CLVS1: variants seen among roughly 807,000 people sequenced by gnomAD.
The protein encoded by CLVS1 is clavesin-1.
CLVS1 carries 10 observed loss-of-function variants against 33.1 expected under a neutral mutation model. The ratio of observed to expected loss-of-function variants is 0.30; its 90% CI spans 0.19 to 0.51. CLVS1 has a LOEUF of 0.51. CLVS1 is among the 20% of genes least tolerant of loss of function. The pLI is 0.97. For missense variants in CLVS1, 343 were observed against 433.4 expected (o/e 0.79, Z 1.85); for synonymous variants, 163 against 166.1 (o/e 0.98, Z 0.14).
the CLVS1 span, among the ~76,000 whole-genome samples, chr8:60,983,383 C>T: frequency 6.6e-6 from 1 of 152,116 alleles, no homozygotes; most frequent in African/African-American, 2.4e-5. Flanking sequence ...TATGAGTATT[C>T]GGGGCACTGC....
the CLVS1 span, among the ~76,000 whole-genome samples, chr8:60,973,913 G>A: frequency 1.3e-5 from 2 of 152,162 alleles, no homozygotes; most frequent in Non-Finnish European, 2.9e-5. Context: ...TCCTGTTCAT[G>A]TCTGACTAGC....
intron 3 of CLVS1, among the ~76,000 whole-genome samples, chr8:61,394,015 C>G (rs552239804): frequency 2.0e-5 from 3 of 152,298 alleles, no homozygotes; most frequent in African/African-American, 7.2e-5. Flanking sequence ...GCCAATCACC[C>G]TACCCTTTTA....
At chr8:61,201,881 C>A (rs1278736596) in intron 2 of CLVS1, among the ~76,000 whole-genome samples, 1 of 152,200 alleles carries the variant, frequency 6.6e-6, no homozygotes, top group Non-Finnish European at 1.5e-5. Context: ...CACTCGCCAG[C>A]AGTTTTGCCA....
At chr8:61,258,125 G>A (rs1243779725) in intron 2 of CLVS1, among the ~76,000 whole-genome samples, 1 of 152,168 alleles carries the variant, frequency 6.6e-6, no homozygotes, top group Non-Finnish European at 1.5e-5. Flanking sequence ...TATCTCTGTT[G>A]CACAAACGCT....
At position 61,232,088 on chromosome 8, in the gene CLVS1, G is replaced by A. The variant is rs1808458640; in HGVS notation, c.-151-67589G>A. On this transcript the variant is annotated intron_variant, in intron 2 of 2. Transcript: ENST00000522621. ...CTCGCTCTGTTGCCCAGGCTGGAAT[G>A]TAGTGGCATGATCTTGGCTCACTGC... Among the ~76,000 whole-genome samples the A allele has an allele frequency of 3.0e-5, 4 of 132,916 alleles. No homozygotes were observed. In the South Asian group the frequency reaches 1.0e-3, roughly 34 times the overall value. The allele number at this position is 132,916 out of a possible 152,430, so 87.2% of individuals were successfully genotyped here. A position where few individuals can be genotyped will look rare whatever the true frequency, so the allele number is the denominator to read the frequency against.
At chr8:60,996,510 G>A in the CLVS1 span, among the ~76,000 whole-genome samples, 1 of 152,194 alleles carries the variant, frequency 6.6e-6, no homozygotes, top group African/African-American at 2.4e-5. Flanking sequence ...TAAGAAAAGT[G>A]GAAATTTCTC....
At chr8:61,154,914 T>G (rs1046310950) in intron 2 of CLVS1, among the ~76,000 whole-genome samples, 1 of 152,176 alleles carries the variant, frequency 6.6e-6, no homozygotes, top group Non-Finnish European at 1.5e-5. Flanking sequence ...GCATGAGCTG[T>G]CCAGGCCAGC....
chr8:61,303,675 A>G (rs990298629), intron 2 of CLVS1, among the ~76,000 whole-genome samples: 1 of 152,196 alleles, frequency 6.6e-6, no homozygotes, highest in African/African-American at 2.4e-5. Context: ...TTGAATTTAG[A>G]TATTGTCATG....
rs776456532 is a variant in CLVS1 at position 61,458,566 on chromosome 8, C to CA, written c.977+24_977+25insA. 23 of 1,431,140 alleles carry CA rather than the reference C, an allele frequency of 1.6e-5. No individual in the cohort carries two copies. The South Asian group carries it at 3.3e-4, about 20-fold the overall frequency. The allele number at this position is 1,431,140 out of a possible 1,614,324, so 88.7% of individuals were successfully genotyped here. A position where few individuals can be genotyped will look rare whatever the true frequency, so the allele number is the denominator to read the frequency against. Reference sequence around the variant, plus strand: ...AGGTAAGGCCTGGGTTATCAGAGCCCCCCCCCCAGTCAGAGGTCAATGGAA... The same window carrying CA: ...AGGTAAGGCCTGGGTTATCAGAGCCCACCCCCCCAGTCAGAGGTCAATGGAA... On this transcript the variant is annotated intron_variant, in intron 5 of 5. Coordinates refer to ENST00000325897, the MANE Select transcript of CLVS1 (RefSeq NM_173519.3).
intron 2 of CLVS1, among the ~76,000 whole-genome samples, chr8:61,215,831 C>T (rs1808073007): frequency 6.6e-6 from 1 of 151,820 alleles, no homozygotes; most frequent in South Asian, 2.1e-4. Flanking sequence ...TTTTCCAGAC[C>T]GAGTGCTGTT....
chr8:61,212,052 A>G (rs1262963726), intron 2 of CLVS1, among the ~76,000 whole-genome samples: 1 of 152,196 alleles, frequency 6.6e-6, no homozygotes, highest in East Asian at 1.9e-4. Flanking sequence ...TGAAACCTGT[A>G]TCAGACTTCC....
chr8:61,322,617 A>G (rs1184365446), intron 2 of CLVS1, among the ~76,000 whole-genome samples: 1 of 152,176 alleles, frequency 6.6e-6, no homozygotes, highest in Non-Finnish European at 1.5e-5. Flanking sequence ...TAATAAATAT[A>G]GAGAAGTTTG....
rs560798784 is a variant in CLVS1 at position 61,306,825 on chromosome 8, C to G, written c.455+6543C>G. Among the ~76,000 whole-genome samples the G allele has an allele frequency of 7.5e-4, 114 of 152,288 alleles. 1 individual carries two copies. In the Middle Eastern group the frequency reaches 0.014, roughly 18 times the overall value. On this transcript the variant is annotated intron_variant, in intron 2 of 5. Transcript: ENST00000325897. ...TGTCAGCATCTACAAGATGTACCCT[C>G]TAAAGGCTGCAGCATTTGAGGCCAT...
At chr8:61,483,108 C>T (rs577655656) in intron 5 of CLVS1, among the ~76,000 whole-genome samples, 9 of 151,900 alleles carry the variant, frequency 5.9e-5, no homozygotes, top group Non-Finnish European at 1.2e-4. Flanking sequence ...GAACTGAAGG[C>T]GATAGAGACA....
At chr8:61,200,407 C>T (rs981996440) in intron 2 of CLVS1, among the ~76,000 whole-genome samples, 19 of 152,346 alleles carry the variant, frequency 1.2e-4, no homozygotes, top group Middle Eastern at 3.4e-3. Flanking sequence ...AGGCGTGGGC[C>T]ACCACGGCCA....
At chr8:61,077,447 T>C (rs546144652) in intron 1 of CLVS1, among the ~76,000 whole-genome samples, 1 of 16,252 alleles carries the variant, frequency 6.2e-5, no homozygotes, top group Non-Finnish European at 1.5e-4. Context: ...AAAAGTATTA[T>C]TATTATTATT....
At chr8:61,356,978 G>A (rs900035737) in intron 2 of CLVS1, among the ~76,000 whole-genome samples, 18 of 152,126 alleles carry the variant, frequency 1.2e-4, no homozygotes, top group Non-Finnish European at 2.4e-4. Flanking sequence ...GATGGGGATG[G>A]CCTTGAATCT....
At chr8:61,217,546 G>A (rs1026610774) in intron 2 of CLVS1, among the ~76,000 whole-genome samples, 14 of 152,132 alleles carry the variant, frequency 9.2e-5, no homozygotes, top group African/African-American at 3.1e-4. Flanking sequence ...CGTGTATTAT[G>A]TTCTAAACTG....
intron 2 of CLVS1, among the ~76,000 whole-genome samples, chr8:61,351,490 A>C (rs1187538586): frequency 6.6e-6 from 1 of 152,150 alleles, no homozygotes; most frequent in Non-Finnish European, 1.5e-5. Context: ...TCAGCATTCC[A>C]GAGGGAAAAG....
Sources: allele counts gnomAD v4.1 joint callset (sites outside exome capture counted in the v4.1 genomes callset), GRCh38; gene constraint gnomAD v4.1.1; transcripts MANE v1.5; gene names NCBI Gene and HGNC (gene_info 2026-07-23, HGNC 2026-07-21).